Variants in TRAPPC11 observed in about 807,000 individuals in gnomAD.
TRAPPC11 encodes the protein trafficking protein particle complex subunit 11.
TRAPPC11 carries 104 observed loss-of-function variants against 151.2 expected under a neutral mutation model. That is an observed-to-expected ratio of 0.69 (90% confidence interval 0.59 to 0.81). The LOEUF (loss-of-function observed/expected upper bound fraction) is 0.81, where lower values mean the gene tolerates loss of function less well. TRAPPC11 is among the 30% of genes least tolerant of loss of function. The pLI, the probability that TRAPPC11 is intolerant of heterozygous loss-of-function variation, is 0.00. For missense variants in TRAPPC11, 1,230 were observed against 1,349.6 expected, an observed-to-expected ratio of 0.91 and a Z score of 1.39; for synonymous variants, 456 against 472.3, an observed-to-expected ratio of 0.97 and a Z score of 0.45.
At chr4:183,666,491 T>A (rs925020857) in intron 3 of TRAPPC11, 65 bp downstream of exon 3, 2 of 1,513,848 alleles carry the variant, frequency 1.3e-6, no homozygotes, top group African/African-American at 3.3e-5. Flanking sequence ...CTAACATTCC[T>A]TGAAGGCAAT....
At chr4:183,700,767 A>G (rs922970299) in intron 25 of TRAPPC11, 1 of 152,182 alleles carries the variant, frequency 6.6e-6, no homozygotes, top group African/African-American at 2.4e-5. Flanking sequence ...GAATATTTGC[A>G]TTATACTTAG....
intron 1 of TRAPPC11, among the ~76,000 whole-genome samples, chr4:183,661,999 A>G (rs1734576422): frequency 6.6e-6 from 1 of 151,930 alleles, no homozygotes; most frequent in African/African-American, 2.4e-5. Context: ...TCCTGGCCTC[A>G]ACAATCCTCT....
intron 14 of TRAPPC11, 54 bp from the exon 15 acceptor site, chr4:183,684,642 C>T (rs1487814677): frequency 6.3e-7 from 1 of 1,589,286 alleles, no homozygotes; most frequent in Non-Finnish European, 8.6e-7. Context: ...TCCATGAACT[C>T]TTCGAACCCT....
chr4:183,690,406 G>C (rs963894128), intron 18 of TRAPPC11, among the ~76,000 whole-genome samples: 2 of 152,182 alleles, frequency 1.3e-5, no homozygotes, highest in African/African-American at 4.8e-5. Flanking sequence ...TCCATAGATA[G>C]AAACATGAAA....
At position 183,663,962 on chromosome 4, in the gene TRAPPC11, T is replaced by A; in HGVS notation, c.95T>A (p.Val32Asp). Residue 32 changes from valine to aspartate, a missense_variant, in exon 2 of 30, where the codon GTC becomes GAC. Coordinates refer to ENST00000334690, the MANE Select transcript of TRAPPC11 (RefSeq NM_021942.6). ...GGCCTGGATGTAGTTTATAATGCAGTCCATCGAGCTGTCTGGGACGCCTTC... is the reference window on the plus strand; with the variant it reads ...GGCCTGGATGTAGTTTATAATGCAGACCATCGAGCTGTCTGGGACGCCTTC... ...LTGLDVVYNA[V>D]HRAVWDAFCA... The A allele has an allele frequency of 6.2e-7, 1 of 1,614,130 alleles. No individual in the cohort carries two copies. The highest frequency in any genetic ancestry group is 8.5e-7 in the Non-Finnish European group (1 of 1,180,034).
chr4:183,663,810 A>G, intron 1 of TRAPPC11, 37 bp from the exon 2 acceptor site: 1 of 1,289,462 alleles, frequency 7.8e-7, no homozygotes, highest in African/African-American at 1.6e-5. Flanking sequence ...TGAGTTTTTA[A>G]AAATTAATTA....
At chr4:183,696,421 G>A (rs1187086628) in intron 23 of TRAPPC11, among the ~76,000 whole-genome samples, 1 of 151,892 alleles carries the variant, frequency 6.6e-6, no homozygotes, top group South Asian at 2.1e-4. Context: ...TTTGACATGG[G>A]GTCTCACTGT....
At chr4:183,673,935 A>G (rs1051743090) in intron 5 of TRAPPC11, among the ~76,000 whole-genome samples, 2 of 152,096 alleles carry the variant, frequency 1.3e-5, no homozygotes, top group African/African-American at 4.8e-5. Context: ...AAATCACACA[A>G]ATGTTTTCAC....
At chr4:183,684,089 A>T in intron 12 of TRAPPC11, 35 bp downstream of exon 12, 1 of 1,607,080 alleles carries the variant, frequency 6.2e-7, no homozygotes, top group African/African-American at 1.3e-5. Context: ...TATTTTTTAC[A>T]CTATTTAAGA....
Position 183,704,588 on chromosome 4 carries a change from C to T in TRAPPC11, c.2964-391C>T, listed in dbSNP as rs28613934. Among the ~76,000 whole-genome samples, 557 of 150,530 alleles carry T rather than the reference C, an allele frequency of 3.7e-3. 3 individuals are homozygous for T. Among genetic ancestry groups the T allele is most frequent in the African/African-American group, 0.013 (516 of 40,966 alleles). ...CAGCACTTTGAGAGGCCGAGGTGGG[C>T]GGATCACGAGGTCAGGAGATCAAGA... On this transcript the variant is annotated intron_variant, in intron 26 of 29. Transcript: ENST00000334690.
At chr4:183,662,371 A>AAAAG (rs1301183933) in intron 1 of TRAPPC11, among the ~76,000 whole-genome samples, 1 of 151,218 alleles carries the variant, frequency 6.6e-6, no homozygotes, top group African/African-American at 2.4e-5. Context: ...AAAAAAAAAA[A>AAAAG]AGAACCTCAT....
Position 183,666,263 on chromosome 4 carries a change from T to C in TRAPPC11, c.211T>C (p.Ser71Pro), listed in dbSNP as rs1734877199. The change falls in exon 3 of 30, where the codon TCA becomes CCA. Residue 71 changes from serine (S) to proline (P), a missense_variant. By Grantham distance (74) the Ser-to-Pro change is moderately conservative (BLOSUM62 -1). Transcript: ENST00000334690. ...EYPKCRPKRT[S>P]YEWYIPKGIL... ...TTTCTGCCAATGTTTGCAGAGAACT[T>C]CATATGAGTGGTACATTCCTAAAGG... 1 of 1,611,352 alleles carries C rather than the reference T, an allele frequency of 6.2e-7. No individual in the cohort carries two copies. Among genetic ancestry groups the C allele is most frequent in the Non-Finnish European group, 8.5e-7 (1 of 1,178,990 alleles).
At chr4:183,704,395 C>T (rs1036473057) in intron 26 of TRAPPC11, among the ~76,000 whole-genome samples, 42 of 151,916 alleles carry the variant, frequency 2.8e-4, no homozygotes, top group African/African-American at 1.0e-3. Flanking sequence ...GCTTCACGCG[C>T]CTGTAATCCC....
chr4:183,697,173 C>T (rs1026641173), intron 23 of TRAPPC11, among the ~76,000 whole-genome samples: 1 of 152,012 alleles, frequency 6.6e-6, no homozygotes, highest in East Asian at 1.9e-4. Flanking sequence ...CCATAAAATA[C>T]GGTAGCCGGG....
rs556114139 is a variant in TRAPPC11, at chr4:183,706,425, A to G, written c.3056-382A>G. On this transcript the variant is annotated intron_variant, in intron 27 of 29. Transcript: ENST00000334690. ...GTAGTCCCAGCTACTTGGGAGGCTG[A>G]AGCAGGACAATGGCGTGAACCCGGG... is the stretch of plus-strand genomic sequence containing the variant. 2.0e-3 allele frequency among the ~76,000 whole-genome samples: 301 copies of G among 152,164 alleles called. 1 individual carries two copies. The highest frequency in any genetic ancestry group is 6.9e-3 in the African/African-American group (285 of 41,508).
At chr4:183,664,675 C>T (rs868537550) in intron 2 of TRAPPC11, among the ~76,000 whole-genome samples, 4 of 152,132 alleles carry the variant, frequency 2.6e-5, no homozygotes, top group Middle Eastern at 3.4e-3. Flanking sequence ...TCACTAATAG[C>T]TAACATAGTT....
chr4:183,708,450 A>G lies in TRAPPC11; in HGVS notation c.3233A>G (p.Tyr1078Cys), dbSNP rs372371594. ...CCTGGCACGGAGCAGGAAATGCTAT[A>G]TAATTTCTATCCTCTGATGGCTGGA... Reference protein sequence around the residue: ...ILPGTEQEMLYNFYPLMAGYQ... With the variant: ...ILPGTEQEMLCNFYPLMAGYQ... Residue 1078 changes from tyrosine (Y) to cysteine (C), a missense_variant, in exon 29 of 30, where the codon TAT becomes TGT. By Grantham distance (194) the Tyr-to-Cys change is radical. Coordinates refer to ENST00000334690, the MANE Select transcript of TRAPPC11 (RefSeq NM_021942.6). 20 of 1,613,986 alleles carry G rather than the reference A, an allele frequency of 1.2e-5. No homozygotes were observed. Among genetic ancestry groups the G allele is most frequent in the Non-Finnish European group, 1.7e-5 (20 of 1,179,998 alleles).
chr4:183,700,048 G>A (rs949930186), intron 25 of TRAPPC11, among the ~76,000 whole-genome samples: 3 of 152,046 alleles, frequency 2.0e-5, no homozygotes, highest in East Asian at 3.9e-4. Flanking sequence ...TCCTGACCGC[G>A]TGATCTGCTC....
At chr4:183,661,413 C>T (rs966250541) in intron 1 of TRAPPC11, among the ~76,000 whole-genome samples, 1 of 141,576 alleles carries the variant, frequency 7.1e-6, no homozygotes, top group Non-Finnish European at 1.5e-5. Context: ...GCTCTGTCGC[C>T]CAGGCTGGAG....
Sources: gnomAD v4.1 joint callset for allele counts (sites outside exome capture counted in the v4.1 genomes callset) on GRCh38, gnomAD v4.1.1 for gene constraint, MANE v1.5 for transcripts, NCBI Gene and HGNC (gene_info 2026-07-23, HGNC 2026-07-21) for gene names.